The following SHC4 variants were observed in gnomAD, a reference collection of about 807,000 sequenced individuals.
SHC4 encodes the protein SHC adaptor protein 4.
In SHC4, 41 loss-of-function variants were observed where a neutral mutation model predicts 69.4. That is an observed-to-expected ratio of 0.59 (90% CI 0.46 to 0.77). The LOEUF is 0.77. SHC4 is among the 30% of genes least tolerant of loss of function. The pLI is 0.00. For missense variants in SHC4, 777 were observed against 783.8 expected, an observed-to-expected ratio of 0.99 and a Z score of 0.10; for synonymous variants, 318 against 299.3, an observed-to-expected ratio of 1.06 and a Z score of -0.64.
chr15:48,948,854 C>T (rs551533580), intron 1 of SHC4, among the ~76,000 whole-genome samples: 9 of 152,066 alleles, frequency 5.9e-5, no homozygotes, highest in South Asian at 2.1e-4. Flanking sequence ...TGCAGTGAGC[C>T]GTGATTGCAC....
At chr15:48,960,578 T>C (rs1431573447) in intron 1 of SHC4, among the ~76,000 whole-genome samples, 1 of 152,188 alleles carries the variant, frequency 6.6e-6, no homozygotes, top group Non-Finnish European at 1.5e-5. Flanking sequence ...GCCTGCTCTC[T>C]CTGTAACCCT....
chr15:48,946,419 G>T (rs981511083), intron 1 of SHC4: 1 of 255,000 alleles, frequency 3.9e-6, no homozygotes. Context: ...GGGCCGAGGG[G>T]CCTCCCACAG....
At chr15:48,919,966 C>T (rs1900714205) in intron 2 of SHC4, among the ~76,000 whole-genome samples, 1 of 150,548 alleles carries the variant, frequency 6.6e-6, no homozygotes, top group Non-Finnish European at 1.5e-5. Flanking sequence ...TCACCTTTTA[C>T]TATTTACAAA....
At chr15:48,831,750 TAA>T (rs1898806643) in intron 11 of SHC4, among the ~76,000 whole-genome samples, 1 of 152,252 alleles carries the variant, frequency 6.6e-6, no homozygotes, top group Admixed American at 6.5e-5. Context: ...TAACCAGAAT[TAA>T]AAGTTATTTA....
intron 1 of SHC4, among the ~76,000 whole-genome samples, chr15:48,928,174 C>CAAT (rs397724781): frequency 1.3e-5 from 2 of 151,712 alleles, no homozygotes; most frequent in South Asian, 2.1e-4. Flanking sequence ...GCCAGAACAA[C>CAAT]GTCTTTGCAA....
At chr15:48,919,626 G>T (rs1009464048) in intron 2 of SHC4, among the ~76,000 whole-genome samples, 1 of 151,588 alleles carries the variant, frequency 6.6e-6, no homozygotes, top group Non-Finnish European at 1.5e-5. Context: ...CCCAAATGTT[G>T]CCACCATGGA....
rs1199846767 is a variant in SHC4, at chr15:48,824,205, A to G, written c.*1766T>C. On this transcript the variant is annotated 3_prime_UTR_variant, in exon 12 of 12. Transcript: ENST00000332408. ...ATTCTAGTTGTGTAAGAGGAAACAA[A>G]TCCATCTAAAAAATTAATGGCAGTA... 6.6e-6 allele frequency: 1 copy of G among 152,232 alleles called. No individual in the cohort carries two copies. The highest frequency in any genetic ancestry group is 2.4e-5 in the African/African-American group (1 of 41,464). The allele number at this position is 152,232 out of a possible 1,614,324, so 9.4% of individuals were successfully genotyped here.
At chr15:48,874,969 A>G (rs1182622844) in intron 4 of SHC4, among the ~76,000 whole-genome samples, 18 of 152,232 alleles carry the variant, frequency 1.2e-4, no homozygotes, top group Admixed American at 1.1e-3. Context: ...TGGTAAGCCC[A>G]TAAGCTAACC....
At chr15:48,878,498 G>C in intron 4 of SHC4, 1 of 1,614,022 alleles carries the variant, frequency 6.2e-7, no homozygotes, top group Admixed American at 1.7e-5. Flanking sequence ...CTGGGAGGAC[G>C]ACTACGACTA....
intron 10 of SHC4, among the ~76,000 whole-genome samples, chr15:48,836,008 T>A (rs1898891021): frequency 8.9e-6 from 1 of 112,766 alleles, no homozygotes. Flanking sequence ...TGAAATCCTG[T>A]CTCTACAAAA....
Position 48,904,940 on chromosome 15 carries a change from AACACAC to A in SHC4, c.657-14135_657-14130del, listed in dbSNP as rs71650107. Among the ~76,000 whole-genome samples the A allele has an allele frequency of 2.5e-3, 368 of 144,766 alleles. 2 individuals carry two copies. The highest frequency in any genetic ancestry group is 7.9e-3 in the African/African-American group (311 of 39,278). 95.0% of individuals were successfully genotyped at this position (144,766 alleles called of 152,430 possible). On this transcript the variant is annotated intron_variant, in intron 2 of 11. Coordinates refer to ENST00000332408, the MANE Select transcript of SHC4 (RefSeq NM_203349.4). Reference sequence around the variant, plus strand: ...CGCACACACACACACACACAGACACAACACACACACACACACACACACACACACACA... The same window carrying A: ...CGCACACACACACACACACAGACACAACACACACACACACACACACACACA...
intron 2 of SHC4, among the ~76,000 whole-genome samples, chr15:48,892,502 G>C: frequency 6.6e-6 from 1 of 152,170 alleles, no homozygotes; most frequent in East Asian, 1.9e-4. Flanking sequence ...CTCTGGCTTG[G>C]TTGGTTGATT....
intron 8 of SHC4, among the ~76,000 whole-genome samples, chr15:48,853,705 C>T (rs531243139): frequency 1.3e-5 from 2 of 152,286 alleles, no homozygotes; most frequent in South Asian, 2.1e-4. Flanking sequence ...GCCATTTGAT[C>T]TTTGACAAAG....
intron 8 of SHC4, among the ~76,000 whole-genome samples, chr15:48,852,515 T>C (rs1023185526): frequency 6.6e-6 from 1 of 151,894 alleles, no homozygotes; most frequent in African/African-American, 2.4e-5. Flanking sequence ...TGTTGGAAAA[T>C]GTGAGAAAAT....
intron 8 of SHC4, among the ~76,000 whole-genome samples, 194 bp from the exon 9 acceptor site, chr15:48,851,442 G>A (rs1357951457): frequency 2.0e-5 from 3 of 152,278 alleles, no homozygotes; most frequent in Non-Finnish European, 4.4e-5. Flanking sequence ...TCGCCTTGGA[G>A]CTGCAGAGTT....
chr15:48,932,096 G>T (rs950249493), intron 1 of SHC4, among the ~76,000 whole-genome samples: 1 of 151,936 alleles, frequency 6.6e-6, no homozygotes, highest in Non-Finnish European at 1.5e-5. Context: ...TGGGGTTTCT[G>T]GTGTCCCACC....
intron 2 of SHC4, among the ~76,000 whole-genome samples, chr15:48,910,359 T>G (rs1314571072): frequency 2.0e-5 from 3 of 152,152 alleles, no homozygotes; most frequent in Non-Finnish European, 2.9e-5. Context: ...AAGGTGCTCA[T>G]AGTAGCCTTG....
At chr15:48,874,357 G>A (rs770207462) in intron 4 of SHC4, among the ~76,000 whole-genome samples, 24 of 152,104 alleles carry the variant, frequency 1.6e-4, no homozygotes, top group Non-Finnish European at 2.2e-4. Flanking sequence ...AGGGGCTCCC[G>A]ACTCCCCTGG....
At chr15:48,943,476 C>A (rs1901213750) in intron 1 of SHC4, among the ~76,000 whole-genome samples, 2 of 151,748 alleles carry the variant, frequency 1.3e-5, no homozygotes, top group Admixed American at 6.6e-5. Context: ...GTATATATAC[C>A]ACAATTTCTT....
Sources: gnomAD v4.1 joint callset for allele counts (sites outside exome capture counted in the v4.1 genomes callset) on GRCh38, gnomAD v4.1.1 for gene constraint, MANE v1.5 for transcripts, NCBI Gene and HGNC (gene_info 2026-07-23, HGNC 2026-07-21) for gene names.